PDE8B: variants seen among roughly 807,000 people sequenced by gnomAD.
PDE8B encodes phosphodiesterase 8B, also known as high affinity cAMP-specific and IBMX-insensitive 3',5'-cyclic phosphodiesterase 8B.
Under a neutral mutation model 101.3 loss-of-function variants are expected in PDE8B, and 26 were observed. The ratio of observed to expected loss-of-function variants is 0.26; its 90% CI spans 0.19 to 0.36. The LOEUF (loss-of-function observed/expected upper bound fraction) is 0.36. Ranked by LOEUF, PDE8B falls within the 10% of genes least tolerant of loss-of-function variation. The pLI, the probability that PDE8B is intolerant of heterozygous loss-of-function variation, is 1.00. For synonymous variants in PDE8B, 424 were observed against 429.3 expected (o/e 0.99, Z 0.15); for missense variants, 810 against 1,163.1 (o/e 0.70, Z 4.42).
rs758621784 is a variant in PDE8B at position 77,331,419 on chromosome 5, A to T, written c.668A>T (p.Glu223Val). 2 of 1,613,890 alleles carry T rather than the reference A, an allele frequency of 1.2e-6. No homozygotes were observed. The highest frequency in any genetic ancestry group is 3.3e-5 in the Admixed American group (2 of 60,020). Reference protein sequence around the residue: ...VVSRVSDDHEEASVLPLLHAG... With the variant: ...VVSRVSDDHEVASVLPLLHAG... ...TGCTGCAGATCGGATGACCATGAAG[A>T]GGCGTCAGTCCTTCCTCTTCTCCAC... The change falls in exon 5 of 22, where the codon GAG becomes GTG. Residue 223 changes from glutamate to valine, a missense_variant. By Grantham distance (121) the Glu-to-Val change is moderately radical (BLOSUM62 -2). Transcript: ENST00000264917.
At chr5:77,394,614 T>C (rs957881893) in intron 10 of PDE8B, among the ~76,000 whole-genome samples, 11 of 152,256 alleles carry the variant, frequency 7.2e-5, no homozygotes, top group Non-Finnish European at 1.5e-4. Flanking sequence ...CAGATTTGCA[T>C]GCCTTCTCTT....
At chr5:77,148,333 C>G in the PDE8B span, 1 of 152,152 alleles carries the variant, frequency 6.6e-6, no homozygotes, top group Non-Finnish European at 1.5e-5. Context: ...AATAATGTTG[C>G]TGTAAACATT....
intron 19 of PDE8B, 99 bp from the exon 20 acceptor site, chr5:77,421,722 C>CT: frequency 8.9e-7 from 1 of 1,119,778 alleles, no homozygotes; most frequent in East Asian, 2.4e-5. Flanking sequence ...CCAGTCCTAC[C>CT]TGTGTGCTCG....
At chr5:77,135,008 G>A in the PDE8B span, among the ~76,000 whole-genome samples, 7 of 152,260 alleles carry the variant, frequency 4.6e-5, no homozygotes, top group African/African-American at 1.7e-4. Flanking sequence ...TGACAGCTAC[G>A]TAGAGGCCAT....
At chr5:77,138,838 A>G in the PDE8B span, among the ~76,000 whole-genome samples, 1 of 152,218 alleles carries the variant, frequency 6.6e-6, no homozygotes, top group Non-Finnish European at 1.5e-5. Context: ...CCATAATCCA[A>G]AAAAGAAAAA....
chr5:77,347,065 C>A (rs1030620324), intron 7 of PDE8B, among the ~76,000 whole-genome samples: 5 of 152,158 alleles, frequency 3.3e-5, no homozygotes, highest in Non-Finnish European at 7.3e-5. Flanking sequence ...TGTTATCTAT[C>A]CACCCATCCA....
At chr5:77,359,020 C>T (rs1252925464) in intron 10 of PDE8B, among the ~76,000 whole-genome samples, 2 of 151,328 alleles carry the variant, frequency 1.3e-5, no homozygotes, top group Admixed American at 6.6e-5. Flanking sequence ...TTTTTTTTTC[C>T]TGAGAAACCA....
At chr5:77,403,615 A>C in intron 11 of PDE8B, among the ~76,000 whole-genome samples, 1 of 152,090 alleles carries the variant, frequency 6.6e-6, no homozygotes, top group Non-Finnish European at 1.5e-5. Flanking sequence ...AAAAATATAT[A>C]TTGAAACTTT....
At chr5:77,422,381 T>C (rs538938803) in intron 20 of PDE8B, among the ~76,000 whole-genome samples, 9 of 152,126 alleles carry the variant, frequency 5.9e-5, no homozygotes, top group Admixed American at 3.3e-4. Flanking sequence ...TCCAGTCCAA[T>C]AGGGGAGAGA....
At chr5:77,422,671 T>A (rs925968896) in intron 20 of PDE8B, among the ~76,000 whole-genome samples, 77 of 152,178 alleles carry the variant, frequency 5.1e-4, no homozygotes, top group Admixed American at 3.9e-4. Flanking sequence ...AGACTGTAAA[T>A]GGACATGTGA....
intron 10 of PDE8B, among the ~76,000 whole-genome samples, chr5:77,372,960 A>G (rs893267531): frequency 1.3e-5 from 2 of 152,134 alleles, no homozygotes; most frequent in African/African-American, 4.8e-5. Flanking sequence ...CCTGGGAGGA[A>G]GAGGTTGCAG....
chr5:77,255,925 TG>T (rs1759064723), intron 1 of PDE8B, among the ~76,000 whole-genome samples: 1 of 152,222 alleles, frequency 6.6e-6, no homozygotes, highest in Non-Finnish European at 1.5e-5. Flanking sequence ...TTCTCTGCCC[TG>T]GGCTGGAGCC....
chr5:77,173,289 G>A, the PDE8B span, among the ~76,000 whole-genome samples: 4 of 152,190 alleles, frequency 2.6e-5, no homozygotes, highest in Non-Finnish European at 4.4e-5. Flanking sequence ...AAGTATGTGA[G>A]GAGGTTTATG....
At chr5:77,424,790 T>A (rs182764450) in intron 20 of PDE8B, among the ~76,000 whole-genome samples, 1 of 151,894 alleles carries the variant, frequency 6.6e-6, no homozygotes, top group Admixed American at 6.6e-5. Context: ...AAAGAGGTAA[T>A]TCTCAAGTGA....
chr5:77,097,281 T>G, the PDE8B span, among the ~76,000 whole-genome samples: 1 of 152,042 alleles, frequency 6.6e-6, no homozygotes, highest in Non-Finnish European at 1.5e-5. Flanking sequence ...TGGGAAAGTG[T>G]TTTTGCTGTG....
chr5:77,290,386 C>T, intron 1 of PDE8B: 1 of 1,383,510 alleles, frequency 7.2e-7, no homozygotes, highest in Non-Finnish European at 1.0e-6. Flanking sequence ...GTTATTATGA[C>T]CTGTTGCTCT....
chr5:77,356,579 G>T (rs1318250255), intron 10 of PDE8B, among the ~76,000 whole-genome samples: 1 of 152,058 alleles, frequency 6.6e-6, no homozygotes, highest in Non-Finnish European at 1.5e-5. Context: ...ATAGGTTTGC[G>T]CCACAGTGCC....
intron 1 of PDE8B, among the ~76,000 whole-genome samples, chr5:77,297,935 C>T (rs1463634061): frequency 1.3e-5 from 2 of 152,210 alleles, no homozygotes; most frequent in African/African-American, 2.4e-5. Context: ...TTAGGTTTCT[C>T]TGGCTTCATG....
At chr5:77,273,088 T>C (rs986423867) in intron 1 of PDE8B, among the ~76,000 whole-genome samples, 1 of 152,206 alleles carries the variant, frequency 6.6e-6, no homozygotes, top group Non-Finnish European at 1.5e-5. Flanking sequence ...TCATTATAGC[T>C]GATTATAAGA....
Sources: allele counts gnomAD v4.1 joint callset (sites outside exome capture counted in the v4.1 genomes callset), GRCh38; gene constraint gnomAD v4.1.1; transcripts MANE v1.5; gene names NCBI Gene and HGNC (gene_info 2026-07-23, HGNC 2026-07-21).